Variants in PAX5 observed in about 807,000 individuals in gnomAD.
The protein encoded by PAX5 is paired box 5.
In PAX5, 9 loss-of-function variants were observed where a neutral mutation model predicts 43.7. That is an observed-to-expected ratio of 0.21 (90% CI 0.12 to 0.36). The LOEUF is 0.36. Ranked by LOEUF, PAX5 falls within the 10% of genes least tolerant of loss-of-function variation. PAX5 has a pLI of 1.00. For synonymous variants in PAX5, 228 were observed against 214.3 expected, an observed-to-expected ratio of 1.06 and a Z score of -0.56; for missense variants, 383 against 532.7, an observed-to-expected ratio of 0.72 and a Z score of 2.77.
At chr9:36,904,803 T>G (rs952953636) in intron 7 of PAX5, among the ~76,000 whole-genome samples, 1 of 152,226 alleles carries the variant, frequency 6.6e-6, no homozygotes, top group Non-Finnish European at 1.5e-5. Flanking sequence ...CGACCAATCA[T>G]AGCAGACAGC....
intron 8 of PAX5, among the ~76,000 whole-genome samples, chr9:36,872,783 C>T (rs1048924924): frequency 1.3e-5 from 2 of 152,198 alleles, no homozygotes; most frequent in Admixed American, 6.5e-5. Context: ...CCTATGAGGG[C>T]ACAGGCAACA....
At position 36,980,572 on chromosome 9, in the gene PAX5, G is replaced by C. The variant is rs2132272299; in HGVS notation, c.605-13848C>G. 3.9e-5 allele frequency among the ~76,000 whole-genome samples: 6 copies of C among 152,214 alleles called. 1 individual carries two copies. In the South Asian group the frequency reaches 1.2e-3, roughly 32 times the overall value. On this transcript the variant is annotated intron_variant, in intron 5 of 9. Coordinates refer to ENST00000358127, the MANE Select transcript of PAX5 (RefSeq NM_016734.3). Reference sequence around the variant, plus strand: ...CTCTGTTCCAGTCAGTCCCTTGTCTGATGATATCAATACATTCACAATTCC... The same window carrying C: ...CTCTGTTCCAGTCAGTCCCTTGTCTCATGATATCAATACATTCACAATTCC...
At chr9:36,851,471 C>A (rs571365235) in intron 8 of PAX5, among the ~76,000 whole-genome samples, 2 of 152,134 alleles carry the variant, frequency 1.3e-5, no homozygotes, top group African/African-American at 4.8e-5. Context: ...AAGGAGCCAG[C>A]GGGATTGAGA....
intron 5 of PAX5, among the ~76,000 whole-genome samples, chr9:36,979,028 C>T (rs1307912996): frequency 6.6e-6 from 1 of 152,194 alleles, no homozygotes; most frequent in Non-Finnish European, 1.5e-5. Context: ...CCTATCAGGC[C>T]TGAGTTAATC....
chr9:36,900,532 A>G (rs946984351), intron 7 of PAX5, among the ~76,000 whole-genome samples: 5 of 152,180 alleles, frequency 3.3e-5, no homozygotes, highest in Non-Finnish European at 5.9e-5. Flanking sequence ...GCCAGAGAGA[A>G]TTCTGTTGTT....
chr9:36,949,093 G>C (rs1193598320), intron 6 of PAX5, among the ~76,000 whole-genome samples: 1 of 151,992 alleles, frequency 6.6e-6, no homozygotes, highest in Non-Finnish European at 1.5e-5. Context: ...ACAGAGTCTC[G>C]CTCTGTCGCC....
intron 5 of PAX5, among the ~76,000 whole-genome samples, chr9:36,970,609 A>G (rs889319783): frequency 2.0e-5 from 3 of 152,162 alleles, no homozygotes; most frequent in African/African-American, 7.2e-5. Context: ...ACTAGGGGCC[A>G]GGGGAGGTAG....
intron 5 of PAX5, among the ~76,000 whole-genome samples, chr9:37,001,327 C>T (rs141818722): frequency 7.2e-5 from 11 of 152,322 alleles, no homozygotes; most frequent in African/African-American, 1.7e-4. Context: ...GTCCCTCCAC[C>T]GTGAACAAAT....
At chr9:36,871,102 G>A (rs1324739866) in intron 8 of PAX5, among the ~76,000 whole-genome samples, 8 of 152,236 alleles carry the variant, frequency 5.3e-5, no homozygotes, top group Non-Finnish European at 8.8e-5. Flanking sequence ...AGGCCTTTTG[G>A]CAAGCAGTGC....
intron 6 of PAX5, among the ~76,000 whole-genome samples, chr9:36,934,873 G>C (rs982533059): frequency 5.9e-5 from 9 of 152,218 alleles, no homozygotes; most frequent in African/African-American, 1.9e-4. Context: ...GCCCAGCTCT[G>C]AACAGATGTG....
Position 37,015,234 on chromosome 9 carries a change from A to G in PAX5, c.213-40T>C, listed in dbSNP as rs772725846. 3.8e-6 allele frequency: 6 copies of G among 1,563,862 alleles called. No individual in the cohort carries two copies. Among genetic ancestry groups the G allele is most frequent in the Non-Finnish European group, 5.3e-6 (6 of 1,134,990 alleles). ...GAAAGAAGCTTAGCCATGAGGAACCAGTAAAGTGGATATTGGCAACAAAAT... is the reference window on the plus strand; with the variant it reads ...GAAAGAAGCTTAGCCATGAGGAACCGGTAAAGTGGATATTGGCAACAAAAT... On this transcript the variant is annotated intron_variant, in intron 2 of 9. Coordinates refer to ENST00000358127, the MANE Select transcript of PAX5 (RefSeq NM_016734.3). This position sits in a 1 kb window ranked among gnomAD's most constrained non-coding sequence, Gnocchi z 4.4.
At chr9:36,900,100 G>A (rs749237468) in intron 7 of PAX5, among the ~76,000 whole-genome samples, 6 of 152,142 alleles carry the variant, frequency 3.9e-5, no homozygotes, top group Non-Finnish European at 5.9e-5. Flanking sequence ...TGACATCATC[G>A]AACATCCTTC....
At chr9:36,919,624 A>G (rs1829977859) in intron 7 of PAX5, among the ~76,000 whole-genome samples, 1 of 152,004 alleles carries the variant, frequency 6.6e-6, no homozygotes, top group Admixed American at 6.6e-5. Context: ...CAGGTGGATC[A>G]TGAGGTCAGG....
At chr9:36,907,386 C>T (rs1419117190) in intron 7 of PAX5, among the ~76,000 whole-genome samples, 1 of 152,166 alleles carries the variant, frequency 6.6e-6, no homozygotes, top group Non-Finnish European at 1.5e-5. Context: ...TCCTGGCAGC[C>T]TCCCTCCCCG....
chr9:36,987,802 G>A (rs117187573), intron 5 of PAX5, among the ~76,000 whole-genome samples: 3 of 152,290 alleles, frequency 2.0e-5, no homozygotes, highest in South Asian at 2.1e-4. Context: ...GTTGTTTTTC[G>A]CCCATTGTCT....
chr9:37,007,730 CTT>C (rs1480299482), intron 3 of PAX5: 1 of 152,188 alleles, frequency 6.6e-6, no homozygotes, highest in African/African-American at 2.4e-5. Flanking sequence ...ATTGTAGACT[CTT>C]TGGACAGTAT....
At chr9:36,994,742 G>C (rs998119500) in intron 5 of PAX5, among the ~76,000 whole-genome samples, 6 of 152,318 alleles carry the variant, frequency 3.9e-5, no homozygotes, top group African/African-American at 1.2e-4. Context: ...TTGCCAGGCT[G>C]CCAGCTGCCC....
At chr9:36,889,943 G>T (rs1042281701) in intron 7 of PAX5, among the ~76,000 whole-genome samples, 1 of 76,562 alleles carries the variant, frequency 1.3e-5, no homozygotes, top group Non-Finnish European at 2.4e-5. Flanking sequence ...TACACTAACG[G>T]GGGGGGGGGG....
intron 6 of PAX5, among the ~76,000 whole-genome samples, chr9:36,960,261 A>G (rs1833847572): frequency 6.6e-6 from 1 of 152,208 alleles, no homozygotes; most frequent in Admixed American, 6.5e-5. Context: ...TAATAACTGT[A>G]GTACCTGTCA....
Sources: allele counts gnomAD v4.1 joint callset (sites outside exome capture counted in the v4.1 genomes callset), GRCh38; gene constraint gnomAD v4.1.1; non-coding constraint Gnocchi (gnomAD v3.1); transcripts MANE v1.5; gene names NCBI Gene and HGNC (gene_info 2026-07-23, HGNC 2026-07-21).